Variants in CRTC1 observed in about 807,000 individuals in gnomAD.
The protein encoded by CRTC1 is CREB-regulated transcription coactivator 1.
Under a neutral mutation model 66.1 loss-of-function variants are expected in CRTC1, and 18 were observed. The ratio of observed to expected loss-of-function variants is 0.27; its 90% CI spans 0.19 to 0.40. The LOEUF is 0.40. Ranked by LOEUF, CRTC1 falls within the 10% of genes least tolerant of loss-of-function variation. The pLI, the probability that CRTC1 is intolerant of heterozygous loss-of-function variation, is 1.00. For synonymous variants in CRTC1, 416 were observed against 398.8 expected (o/e 1.04, Z -0.51); for missense variants, 669 against 887.9 (o/e 0.75, Z 3.13).
intron 1 of CRTC1, among the ~76,000 whole-genome samples, chr19:18,720,226 C>T (rs1007944552): frequency 6.6e-5 from 10 of 152,214 alleles, no homozygotes; most frequent in East Asian, 1.9e-4. Context: ...TGTAGTGACG[C>T]GATCTCGTGT....
intron 5 of CRTC1, among the ~76,000 whole-genome samples, chr19:18,750,537 G>A (rs542049272): frequency 3.3e-5 from 5 of 152,358 alleles, no homozygotes; most frequent in South Asian, 2.1e-4. Flanking sequence ...AAACTGGGGC[G>A]GTGCCATCAG....
At chr19:18,708,916 A>C (rs1600803730) in intron 1 of CRTC1, among the ~76,000 whole-genome samples, 1 of 152,046 alleles carries the variant, frequency 6.6e-6, no homozygotes, top group African/African-American at 2.4e-5. Context: ...CCGTGTGGCC[A>C]CCCTGGTGAC....
At chr19:18,718,881 T>A (rs2053563774) in intron 1 of CRTC1, among the ~76,000 whole-genome samples, 1 of 150,684 alleles carries the variant, frequency 6.6e-6, no homozygotes, top group Non-Finnish European at 1.5e-5. Flanking sequence ...AGATTGGGGG[T>A]TTATTTTAAA....
At chr19:18,734,513 G>A (rs890331051) in intron 1 of CRTC1, among the ~76,000 whole-genome samples, 3 of 145,346 alleles carry the variant, frequency 2.1e-5, no homozygotes, top group African/African-American at 5.2e-5. Flanking sequence ...GGGGGACCCT[G>A]TCTCTACAGA....
At chr19:18,725,153 C>T (rs757303734) in intron 1 of CRTC1, among the ~76,000 whole-genome samples, 14 of 152,186 alleles carry the variant, frequency 9.2e-5, no homozygotes, top group Non-Finnish European at 2.1e-4. Context: ...AGGCCAGCGT[C>T]CCTGTGCGAG....
chr19:18,771,418 G>T lies in CRTC1; in HGVS notation c.1321-24G>T. 2 of 1,598,730 alleles carry T rather than the reference G, an allele frequency of 1.3e-6. No homozygotes were observed. The highest frequency in any genetic ancestry group is 1.7e-6 in the Non-Finnish European group (2 of 1,172,114). On this transcript the variant is annotated intron_variant, in intron 10 of 13. Coordinates refer to ENST00000321949, the MANE Select transcript of CRTC1 (RefSeq NM_015321.3). This position sits in a 1 kb window ranked among gnomAD's most constrained non-coding sequence, Gnocchi z 4.6. ...CGGGCTTGGGCAGCTGGGCTGCGGC[G>T]TGCTGATCTGTCTGTCATCGCAGGC...
Position 18,717,576 on chromosome 19 carries a change from A to G in CRTC1, c.127-25334A>G, listed in dbSNP as rs1319757518. On this transcript the variant is annotated intron_variant, in intron 1 of 13. Transcript: ENST00000321949. Reference sequence around the variant, plus strand: ...GTGTGTGGGGCACTGGGGCCCAGAGAGGCAGACACAGATGCGTGCAGCCAC... The same window carrying G: ...GTGTGTGGGGCACTGGGGCCCAGAGGGGCAGACACAGATGCGTGCAGCCAC... Among the ~76,000 whole-genome samples, 10 of 152,114 alleles carry G rather than the reference A, an allele frequency of 6.6e-5. No individual in the cohort carries two copies. In the East Asian group the frequency reaches 1.9e-3, roughly 29 times the overall value.
chr19:18,729,412 C>G (rs1429621108), intron 1 of CRTC1, among the ~76,000 whole-genome samples: 2 of 140,248 alleles, frequency 1.4e-5, no homozygotes, highest in Non-Finnish European at 3.0e-5. Flanking sequence ...GGCAACAGAG[C>G]GAGACTCCGT....
At chr19:18,726,549 A>G (rs983756198) in intron 1 of CRTC1, among the ~76,000 whole-genome samples, 2 of 152,236 alleles carry the variant, frequency 1.3e-5, no homozygotes, top group African/African-American at 4.8e-5. Context: ...TCATTTGGAA[A>G]TAGGGATTTT....
At chr19:18,723,027 G>C (rs1294380459) in intron 1 of CRTC1, among the ~76,000 whole-genome samples, 1 of 151,916 alleles carries the variant, frequency 6.6e-6, no homozygotes, top group Non-Finnish European at 1.5e-5. Flanking sequence ...TACATCCTCT[G>C]CCTCCTGGGT....
intron 9 of CRTC1, among the ~76,000 whole-genome samples, chr19:18,766,556 G>A (rs1158977376): frequency 6.6e-6 from 1 of 151,660 alleles, no homozygotes; most frequent in Non-Finnish European, 1.5e-5. Flanking sequence ...AGCAATTCTT[G>A]TGCCTCAGCC....
intron 1 of CRTC1, among the ~76,000 whole-genome samples, chr19:18,726,349 G>A (rs1459361861): frequency 6.6e-6 from 1 of 152,262 alleles, no homozygotes; most frequent in Admixed American, 6.5e-5. Context: ...GCCCAGGCCC[G>A]GGAGGGGAGC....
chr19:18,714,505 A>G (rs1343268086), intron 1 of CRTC1, among the ~76,000 whole-genome samples: 2 of 152,028 alleles, frequency 1.3e-5, no homozygotes, highest in African/African-American at 4.8e-5. Context: ...AGCGGGTTTC[A>G]CCATGTTGGC....
At chr19:18,729,325 C>T (rs2053833506) in intron 1 of CRTC1, among the ~76,000 whole-genome samples, 5 of 150,034 alleles carry the variant, frequency 3.3e-5, no homozygotes, top group Middle Eastern at 3.2e-3. Context: ...ACTCAGGGGG[C>T]TGAGGTGGGA....
chr19:18,764,938 C>A (rs946140518), intron 8 of CRTC1, among the ~76,000 whole-genome samples: 10 of 152,192 alleles, frequency 6.6e-5, no homozygotes, highest in Non-Finnish European at 7.3e-5. Flanking sequence ...CCAAAAAAAA[C>A]CATTTATTGT....
At position 18,746,973 on chromosome 19, in the gene CRTC1, G is replaced by C. The variant is rs2054254067; in HGVS notation, c.382-80G>C. On this transcript the variant is annotated intron_variant, in intron 3 of 13. Transcript: ENST00000321949. Reference sequence around the variant, plus strand: ...CAGGCCGACCCCAGCCAGCCAGCCGGGGCTTCCTGCCCTGGGCTGAGAGTG... The same window carrying C: ...CAGGCCGACCCCAGCCAGCCAGCCGCGGCTTCCTGCCCTGGGCTGAGAGTG... 4 of 1,405,348 alleles carry C rather than the reference G, an allele frequency of 2.8e-6. No homozygotes were observed. The Admixed American group carries it at 6.8e-5, about 24-fold the overall frequency. The allele number at this position is 1,405,348 out of a possible 1,614,324, so 87.1% of individuals were successfully genotyped here. A position where few individuals can be genotyped will look rare whatever the true frequency, so the allele number is the denominator to read the frequency against.
At chr19:18,727,713 C>T (rs2053793876) in intron 1 of CRTC1, among the ~76,000 whole-genome samples, 1 of 151,610 alleles carries the variant, frequency 6.6e-6, no homozygotes, top group Non-Finnish European at 1.5e-5. Flanking sequence ...GAGAGGCCAC[C>T]TTGCTTTTAT....
intron 1 of CRTC1, among the ~76,000 whole-genome samples, chr19:18,690,490 T>A (rs2052803693): frequency 6.6e-6 from 1 of 152,180 alleles, no homozygotes; most frequent in Admixed American, 6.5e-5. Context: ...CTCATCCTCA[T>A]CACTCTCCAG....
chr19:18,706,585 C>G (rs1269719816), intron 1 of CRTC1, among the ~76,000 whole-genome samples: 1 of 152,092 alleles, frequency 6.6e-6, no homozygotes, highest in Non-Finnish European at 1.5e-5. Flanking sequence ...GTTTTGAGAT[C>G]AAGAAGTGTG....
Sources: gnomAD v4.1 joint callset for allele counts (sites outside exome capture counted in the v4.1 genomes callset) on GRCh38, gnomAD v4.1.1 for gene constraint, Gnocchi (gnomAD v3.1) non-coding constraint, MANE v1.5 for transcripts, NCBI Gene and HGNC (gene_info 2026-07-23, HGNC 2026-07-21) for gene names.